MYLK2: variants seen among roughly 807,000 people sequenced by gnomAD.
The protein encoded by MYLK2 is myosin light chain kinase 2, skeletal/cardiac muscle.
A neutral mutation model predicts 58.2 loss-of-function variants in MYLK2; 27 were observed. The ratio of observed to expected loss-of-function variants is 0.46; its 90% CI spans 0.34 to 0.64. The LOEUF is 0.64. MYLK2 is among the 30% of genes least tolerant of loss of function. The probability of loss-of-function intolerance (pLI) is 0.01; values close to 1 mark genes in which losing one functional copy is unlikely to be tolerated. For synonymous variants in MYLK2, 310 were observed against 296.7 expected, an observed-to-expected ratio of 1.04 and a Z score of -0.46; for missense variants, 676 against 764.3, an observed-to-expected ratio of 0.88 and a Z score of 1.36.
intron 8 of MYLK2, chr20:31,827,493 A>G: frequency 1.0e-6 from 1 of 985,384 alleles, no homozygotes; most frequent in Non-Finnish European, 1.2e-6. Context: ...GGCGCTAACA[A>G]CAATGTTTCG....
chr20:31,827,050 C>T (rs1600411204), intron 8 of MYLK2, 112 bp downstream of exon 8: 1 of 1,549,170 alleles, frequency 6.5e-7, no homozygotes, highest in East Asian at 2.4e-5. Context: ...CTTCCTTCAT[C>T]CATCCTTCCC....
intron 4 of MYLK2, 147 bp from the exon 5 acceptor site, chr20:31,823,330 C>T: frequency 2.8e-6 from 2 of 702,404 alleles, no homozygotes; most frequent in Non-Finnish European, 5.0e-6. Context: ...GCCCCATAGC[C>T]CCTATCCTGG....
intron 7 of MYLK2, 33 bp from the exon 8 acceptor site, chr20:31,826,764 C>T (rs760903875): frequency 1.1e-5 from 18 of 1,613,834 alleles, no homozygotes; most frequent in African/African-American, 5.3e-5. Context: ...CCACCAGGCA[C>T]GGAGCAAGCC....
At position 31,828,117 on chromosome 20, in the gene MYLK2, A is replaced by G. The variant is rs1367434195; in HGVS notation, c.1224+1179A>G. On this transcript the variant is annotated intron_variant, in intron 8 of 12. Coordinates refer to ENST00000375985, the MANE Select transcript of MYLK2 (RefSeq NM_033118.4). ...TGGTCAGGCTGGTCTTGAACTCCTG[A>G]CCTCAGGTGATCTGCCTGCCTCAGC... is the stretch of plus-strand genomic sequence containing the variant. 1.0e-5 allele frequency: 9 copies of G among 903,768 alleles called. No homozygotes were observed. In the African/African-American group the frequency reaches 1.5e-4, roughly 15 times the overall value. 56.0% of individuals were successfully genotyped at this position (903,768 alleles called of 1,614,324 possible).
rs756013032 is a variant in MYLK2, at chr20:31,821,636, C to T, written c.671C>T (p.Thr224Ile). 12 of 1,614,024 alleles carry T rather than the reference C, an allele frequency of 7.4e-6. No individual in the cohort carries two copies. The highest frequency in any genetic ancestry group is 1.3e-5 in the African/African-American group (1 of 75,044). Residue 224 changes from threonine to isoleucine, a missense_variant, in exon 4 of 13, where the codon ACC (threonine) becomes ATC (isoleucine). By Grantham distance (89) the Thr-to-Ile change is moderately conservative (BLOSUM62 -1). Coordinates refer to ENST00000375985, the MANE Select transcript of MYLK2 (RefSeq NM_033118.4). ...QAGQAKMQGD[T>I]SRGIEFQAVP... ...GGCCAGGCTAAGATGCAAGGGGACA[C>T]CTCGAGGGGGATTGAGTTCCAGGCT... is the stretch of plus-strand genomic sequence containing the variant.
At chr20:31,825,281 T>G (rs2062273136) in intron 6 of MYLK2, among the ~76,000 whole-genome samples, 1 of 152,216 alleles carries the variant, frequency 6.6e-6, no homozygotes, top group African/African-American at 2.4e-5. Context: ...TTACAGGGCC[T>G]GGGTCCGTGT....
At position 31,820,464 on chromosome 20, in the gene MYLK2, A is replaced by G. The variant is rs1555789906; in HGVS notation, c.391A>G (p.Lys131Glu). 6.2e-7 allele frequency: 1 copy of G among 1,611,442 alleles called. No homozygotes were observed. Residue 131 changes from lysine to glutamate, a missense_variant, in exon 3 of 13, where the codon AAG becomes GAG. Physicochemically the swap from Lys to Glu is moderately conservative, Grantham distance 56. Transcript: ENST00000375985. The stretch of plus-strand genomic sequence containing the variant: ...TCCTGGAAAGCCCAGGGTGGGCAAG[A>G]AGGCAGCAGAGGGCCAAGCAGCAGC... Reference protein sequence around the residue: ...QDPGKPRVGKKAAEGQAAARR... With the variant: ...QDPGKPRVGKEAAEGQAAARR...
At chr20:31,828,995 G>A (rs1285691558) in intron 8 of MYLK2, among the ~76,000 whole-genome samples, 1 of 152,146 alleles carries the variant, frequency 6.6e-6, no homozygotes, top group Non-Finnish European at 1.5e-5. Flanking sequence ...AATCTGATGT[G>A]CTGAGGGTTT....
chr20:31,822,910 G>A (rs1460559015), intron 4 of MYLK2, among the ~76,000 whole-genome samples: 2 of 152,216 alleles, frequency 1.3e-5, no homozygotes, highest in Non-Finnish European at 2.9e-5. Flanking sequence ...TTTATAAAGA[G>A]GTTTCCATTC....
chr20:31,833,778 T>G lies in MYLK2; in HGVS notation c.1772T>G (p.Leu591Arg), dbSNP rs1464410221. 6.2e-7 allele frequency: 1 copy of G among 1,613,310 alleles called. No homozygotes were observed. Among genetic ancestry groups the G allele is most frequent in the Non-Finnish European group, 8.5e-7 (1 of 1,179,992 alleles). Reference sequence around the variant, plus strand: ...AAGAAGATCAGCAGCTCGGGGGCACTGATGGCTCTGGGGGTCTGAGCCCTG... The same window carrying G: ...AAGAAGATCAGCAGCTCGGGGGCACGGATGGCTCTGGGGGTCTGAGCCCTG... ...RFKKISSSGA[L>R]MALGV Residue 591 changes from leucine (L) to arginine (R), a missense_variant, in exon 13 of 13, where the codon CTG (leucine) becomes CGG (arginine). Coordinates refer to ENST00000375985, the MANE Select transcript of MYLK2 (RefSeq NM_033118.4).
chr20:31,826,757 C>G lies in MYLK2; in HGVS notation c.1083-40C>G, dbSNP rs41293108. ...TGGTAGGGGCTGGGTGGGGGTACCACCAGGCACGGAGCAAGCCGTGGAGGG... is the reference window on the plus strand; with the variant it reads ...TGGTAGGGGCTGGGTGGGGGTACCAGCAGGCACGGAGCAAGCCGTGGAGGG... On this transcript the variant is annotated intron_variant, in intron 7 of 12. Coordinates refer to ENST00000375985, the MANE Select transcript of MYLK2 (RefSeq NM_033118.4). 0.073 allele frequency: 118,041 copies of G among 1,613,786 alleles called. 4,817 individuals carry two copies. The highest frequency in any genetic ancestry group is 0.14 in the African/African-American group (10,345 of 74,888).
At chr20:31,824,435 G>A (rs1210988522) in intron 6 of MYLK2, 83 bp downstream of exon 6, 46 of 1,552,966 alleles carry the variant, frequency 3.0e-5, no homozygotes, top group Middle Eastern at 1.8e-4. Context: ...CTCCACCAGC[G>A]CTGCTGAACC....
At chr20:31,825,344 G>A (rs1031072491) in intron 6 of MYLK2, among the ~76,000 whole-genome samples, 6 of 152,150 alleles carry the variant, frequency 3.9e-5, no homozygotes, top group Non-Finnish European at 8.8e-5. Flanking sequence ...CAGCATAGAT[G>A]TTCAGTACCT....
At position 31,834,111 on chromosome 20, in the gene MYLK2, G is replaced by C. The variant is rs759978467; in HGVS notation, c.*314G>C. The C allele has an allele frequency of 1.2e-5, 5 of 423,336 alleles. No homozygotes were observed. Among genetic ancestry groups the C allele is most frequent in the South Asian group, 9.6e-5 (4 of 41,460 alleles). 26.2% of individuals were successfully genotyped at this position (423,336 alleles called of 1,614,324 possible). A position where few individuals can be genotyped will look rare whatever the true frequency, so the allele number is the denominator to read the frequency against. ...GTTCCCTCCCCAGCTCCTCGTCTTT[G>C]AACTGCCGCCGCCGTGGTGACCCCT... On this transcript the variant is annotated 3_prime_UTR_variant, in exon 13 of 13. Transcript: ENST00000375985.
At position 31,834,512 on chromosome 20, in the gene MYLK2, C is replaced by T. The variant is rs560249236; in HGVS notation, c.*715C>T. 6.5e-6 allele frequency: 1 copy of T among 152,960 alleles called. No individual in the cohort carries two copies. The highest frequency in any genetic ancestry group is 2.1e-4 in the South Asian group (1 of 4,828). The allele number at this position is 152,960 out of a possible 1,614,324, so 9.5% of individuals were successfully genotyped here. On this transcript the variant is annotated 3_prime_UTR_variant, in exon 13 of 13. Coordinates refer to ENST00000375985, the MANE Select transcript of MYLK2 (RefSeq NM_033118.4). ...GCCAAGGGACACAGGAGACCACCCC[C>T]GAGCTTGCCTCAGGGCCAAGCCGGC... is the stretch of plus-strand genomic sequence containing the variant.
intron 6 of MYLK2, among the ~76,000 whole-genome samples, chr20:31,825,635 C>T (rs1044992384): frequency 1.3e-5 from 2 of 151,586 alleles, no homozygotes; most frequent in South Asian, 2.1e-4. Context: ...CTGATGGGGG[C>T]GCTTTTAGAT....
At chr20:31,828,519 G>A (rs2062290984) in intron 8 of MYLK2, 2 of 979,258 alleles carry the variant, frequency 2.0e-6, no homozygotes, top group Non-Finnish European at 2.4e-6. Flanking sequence ...TGAAGGAAAT[G>A]GTCCCTGTCT....
Position 31,833,774 on chromosome 20 carries a change from G to A in MYLK2, c.1768G>A (p.Ala590Thr). 6.2e-7 allele frequency: 1 copy of A among 1,613,422 alleles called. No individual in the cohort carries two copies. The highest frequency in any genetic ancestry group is 8.5e-7 in the Non-Finnish European group (1 of 1,180,002). The change falls in exon 13 of 13, where the codon GCA (alanine) becomes ACA (threonine). Residue 590 changes from alanine (A) to threonine (T), a missense_variant. Ala to Thr is a moderately conservative substitution (Grantham distance 58, BLOSUM62 0). This residue lies in a region of MYLK2 where 370 missense variants were observed against 467.8 expected (regional missense o/e 0.79). Transcript: ENST00000375985. Reference protein sequence around the residue: ...NRFKKISSSGALMALGV With the variant: ...NRFKKISSSGTLMALGV ...CTTCAAGAAGATCAGCAGCTCGGGG[G>A]CACTGATGGCTCTGGGGGTCTGAGC...
At chr20:31,832,200 C>T in intron 12 of MYLK2, 64 bp downstream of exon 12, 1 of 1,570,778 alleles carries the variant, frequency 6.4e-7, no homozygotes, top group Non-Finnish European at 8.6e-7. Flanking sequence ...GGTGCCAGAT[C>T]CCAGCCTCCA....
Sources: gnomAD v4.1 joint callset for allele counts (sites outside exome capture counted in the v4.1 genomes callset) on GRCh38, gnomAD v4.1.1 for gene constraint, gnomAD v4.1.1 regional missense constraint, MANE v1.5 for transcripts, NCBI Gene and HGNC (gene_info 2026-07-23, HGNC 2026-07-21) for gene names.